GUCY1A2: variants seen among roughly 807,000 people sequenced by gnomAD.
The protein encoded by GUCY1A2 is guanylate cyclase soluble subunit alpha-2.
GUCY1A2 carries 27 observed loss-of-function variants against 63.5 expected under a neutral mutation model. That is an observed-to-expected ratio of 0.43 (90% CI 0.31 to 0.59). The LOEUF is 0.59. Ranked by LOEUF, GUCY1A2 falls within the 20% of genes least tolerant of loss-of-function variation. The pLI is 0.11. For synonymous variants in GUCY1A2, 364 were observed against 343.5 expected, an observed-to-expected ratio of 1.06 and a Z score of -0.66; for missense variants, 768 against 913.3, an observed-to-expected ratio of 0.84 and a Z score of 2.05.
chr11:106,758,081 C>G (rs995134030), intron 6 of GUCY1A2, among the ~76,000 whole-genome samples: 5 of 152,182 alleles, frequency 3.3e-5, no homozygotes, highest in African/African-American at 4.8e-5. Context: ...GGCAGTCAGC[C>G]TTGCTGAGCT....
chr11:106,937,196 A>T (rs1247089786), intron 4 of GUCY1A2, among the ~76,000 whole-genome samples: 1 of 152,176 alleles, frequency 6.6e-6, no homozygotes, highest in Non-Finnish European at 1.5e-5. Flanking sequence ...TCCTTATTTT[A>T]ACTAAAAATC....
rs979210268 is a variant in GUCY1A2, at chr11:106,676,753, T to A, written c.*10796A>T. 24 of 194,654 alleles carry A rather than the reference T, an allele frequency of 1.2e-4. No homozygotes were observed. Among genetic ancestry groups the A allele is most frequent in the East Asian group, 4.0e-4 (5 of 12,432 alleles). 12.1% of individuals were successfully genotyped at this position (194,654 alleles called of 1,614,324 possible). ...TTTCCCTACAAACAGAAAAAGCATT[T>A]TTTTTTTCTATTTCAGTCTTTAGCA... On this transcript the variant is annotated 3_prime_UTR_variant, in exon 8 of 8. Coordinates refer to ENST00000526355, the MANE Select transcript of GUCY1A2 (RefSeq NM_000855.3).
At chr11:106,787,173 T>C (rs12361028) in intron 5 of GUCY1A2, among the ~76,000 whole-genome samples, 47,872 of 150,940 alleles carry the variant, frequency 0.32, 7,812 homozygotes, top group African/African-American at 0.38. Context: ...ATTATACTCT[T>C]AGTTATTTTT....
intron 4 of GUCY1A2, among the ~76,000 whole-genome samples, chr11:106,859,613 A>C (rs1859481718): frequency 6.6e-6 from 1 of 152,054 alleles, no homozygotes; most frequent in Non-Finnish European, 1.5e-5. Context: ...AAGATTCTAC[A>C]AAAAATAATG....
intron 4 of GUCY1A2, among the ~76,000 whole-genome samples, chr11:106,832,498 T>A (rs1859065034): frequency 6.6e-6 from 1 of 152,112 alleles, no homozygotes; most frequent in African/African-American, 2.4e-5. Context: ...GTGTCCAGGG[T>A]CTACGGCTCA....
intron 3 of GUCY1A2, among the ~76,000 whole-genome samples, chr11:106,967,264 C>T (rs1861138046): frequency 6.6e-6 from 1 of 152,128 alleles, no homozygotes; most frequent in South Asian, 2.1e-4. Flanking sequence ...ACTTCCCTTT[C>T]CTATTGCAGC....
intron 5 of GUCY1A2, among the ~76,000 whole-genome samples, chr11:106,782,745 G>T (rs1197383319): frequency 6.8e-6 from 1 of 146,802 alleles, no homozygotes; most frequent in African/African-American, 2.6e-5. Flanking sequence ...ATATCCAAAA[G>T]GTTGGCCAGG....
At chr11:106,964,535 C>G (rs1303292598) in intron 3 of GUCY1A2, among the ~76,000 whole-genome samples, 1 of 152,156 alleles carries the variant, frequency 6.6e-6, no homozygotes. Flanking sequence ...TGGGTTCCTC[C>G]TATTTTTATC....
chr11:106,943,299 T>C (rs1225531036), intron 3 of GUCY1A2, among the ~76,000 whole-genome samples: 2 of 152,204 alleles, frequency 1.3e-5, no homozygotes, highest in East Asian at 1.9e-4. Context: ...TTGAAACATA[T>C]AGACAATGCT....
At position 106,986,139 on chromosome 11, in the gene GUCY1A2, AT is replaced by A; in HGVS notation, c.304-9del. The A allele has an allele frequency of 8.0e-7, 1 of 1,245,546 alleles. No homozygotes were observed. The highest frequency in any genetic ancestry group is 1.2e-6 in the Non-Finnish European group (1 of 851,582). 77.2% of individuals were successfully genotyped at this position (1,245,546 alleles called of 1,614,324 possible). A position where few individuals can be genotyped will look rare whatever the true frequency, so the allele number is the denominator to read the frequency against. Reference sequence around the variant, plus strand: ...CTGCTGTATCGTCTGAGGCTACAGAATAATAATAATAATAAAAACATATTAT... The same window carrying A: ...CTGCTGTATCGTCTGAGGCTACAGAAAATAATAATAATAAAAACATATTAT... On this transcript the variant is annotated splice_polypyrimidine_tract_variant and intron_variant, in intron 1 of 7. Coordinates refer to ENST00000526355, the MANE Select transcript of GUCY1A2 (RefSeq NM_000855.3).
intron 4 of GUCY1A2, among the ~76,000 whole-genome samples, chr11:106,881,103 A>G (rs1565318926): frequency 6.6e-6 from 1 of 152,100 alleles, no homozygotes; most frequent in Non-Finnish European, 1.5e-5. Context: ...AATTAACCTA[A>G]TTGTCCAGTG....
chr11:106,865,761 G>T (rs1473364051), intron 4 of GUCY1A2, among the ~76,000 whole-genome samples: 1 of 151,604 alleles, frequency 6.6e-6, no homozygotes, highest in Non-Finnish European at 1.5e-5. Context: ...TAATAAACCT[G>T]CATATTGTGC....
At chr11:106,840,867 G>A (rs1412329581) in intron 4 of GUCY1A2, among the ~76,000 whole-genome samples, 2 of 151,760 alleles carry the variant, frequency 1.3e-5, no homozygotes, top group Non-Finnish European at 2.9e-5. Context: ...AAAATTTTGA[G>A]AAAAATTCAT....
In GUCY1A2 at chr11:106,683,046, A is replaced by G. The variant is rs938830505; in HGVS notation, c.*4503T>C. On this transcript the variant is annotated 3_prime_UTR_variant, in exon 8 of 8. Transcript: ENST00000526355. ...CCCATTTAACAATAAATTTTGTTCA[A>G]TCACATGAACACAATTTATGTGTAT... 15 of 217,682 alleles carry G rather than the reference A, an allele frequency of 6.9e-5. No homozygotes were observed. The highest frequency in any genetic ancestry group is 1.2e-4 in the Non-Finnish European group (13 of 108,184). 13.5% of individuals were successfully genotyped at this position (217,682 alleles called of 1,614,324 possible). A position where few individuals can be genotyped will look rare whatever the true frequency, so the allele number is the denominator to read the frequency against.
intron 4 of GUCY1A2, among the ~76,000 whole-genome samples, chr11:106,930,446 T>C (rs1194755782): frequency 6.6e-6 from 1 of 152,238 alleles, no homozygotes; most frequent in African/African-American, 2.4e-5. Flanking sequence ...AGAGACTGTA[T>C]TCTTAATCAT....
At chr11:106,918,140 T>C (rs1860393357) in intron 4 of GUCY1A2, among the ~76,000 whole-genome samples, 1 of 144,654 alleles carries the variant, frequency 6.9e-6, no homozygotes, top group Non-Finnish European at 1.6e-5. Flanking sequence ...TGCCCAGCTC[T>C]GCAAAACATG....
rs1392674474 is a variant in GUCY1A2, at chr11:106,677,961, C to T, written c.*9588G>A. On this transcript the variant is annotated 3_prime_UTR_variant, in exon 8 of 8. Transcript: ENST00000526355. ...TGTTTTTAAGGATCAAATGAAAAAG[C>T]AATGAGCACCTATTATTTCAGGTCA... 1 of 202,012 alleles carries T rather than the reference C, an allele frequency of 5.0e-6. No individual in the cohort carries two copies. The highest frequency in any genetic ancestry group is 1.0e-5 in the Non-Finnish European group (1 of 98,186). The allele number at this position is 202,012 out of a possible 1,614,324, so 12.5% of individuals were successfully genotyped here.
intron 4 of GUCY1A2, among the ~76,000 whole-genome samples, chr11:106,911,112 T>C (rs1286459633): frequency 6.6e-6 from 1 of 151,924 alleles, no homozygotes; most frequent in Admixed American, 6.6e-5. Flanking sequence ...AAGAGGAACC[T>C]GAAGAAGAAA....
At chr11:106,911,322 C>T (rs919284686) in intron 4 of GUCY1A2, among the ~76,000 whole-genome samples, 13 of 152,084 alleles carry the variant, frequency 8.5e-5, no homozygotes, top group African/African-American at 3.1e-4. Flanking sequence ...ACACGGAAAA[C>T]AAAAACTATG....
Sources: allele counts gnomAD v4.1 joint callset (sites outside exome capture counted in the v4.1 genomes callset), GRCh38; gene constraint gnomAD v4.1.1; transcripts MANE v1.5; gene names NCBI Gene and HGNC (gene_info 2026-07-23, HGNC 2026-07-21).